Variants in GLRA1 observed in about 807,000 individuals in gnomAD.
GLRA1 encodes the protein glycine receptor alpha 1, also known as glycine receptor subunit alpha-1.
A neutral mutation model predicts 48.3 loss-of-function variants in GLRA1; 37 were observed. That is an observed-to-expected ratio of 0.77 (90% confidence interval 0.59 to 1.01). The LOEUF (loss-of-function observed/expected upper bound fraction) is 1.01, where lower values mean the gene tolerates loss of function less well. Among genes scored for constraint, GLRA1 ranks in the 50% least tolerant of loss-of-function variants. The pLI is 0.00. For synonymous variants in GLRA1, 196 were observed against 210.7 expected (o/e 0.93, Z 0.60); for missense variants, 427 against 571.0 (o/e 0.75, Z 2.57).
At chr5:151,826,684 T>C (rs1228280585) in intron 8 of GLRA1, among the ~76,000 whole-genome samples, 3 of 152,198 alleles carry the variant, frequency 2.0e-5, no homozygotes, top group Non-Finnish European at 4.4e-5. Flanking sequence ...ATTCACACTT[T>C]ATCTGGCCAG....
intron 1 of GLRA1, among the ~76,000 whole-genome samples, chr5:151,898,213 C>CTT (rs75340537): frequency 6.8e-6 from 1 of 146,000 alleles, no homozygotes; most frequent in Non-Finnish European, 1.5e-5. Flanking sequence ...AATATTCCTT[C>CTT]TTTTTTTTTT....
chr5:151,860,952 C>T (rs1381910471), intron 3 of GLRA1, among the ~76,000 whole-genome samples: 1 of 152,160 alleles, frequency 6.6e-6, no homozygotes, highest in Non-Finnish European at 1.5e-5. Flanking sequence ...GTTCAGTTCC[C>T]ACCTATGAGT....
At chr5:151,893,283 A>ACTTACTTTCTTT (rs1215858291) in intron 1 of GLRA1, among the ~76,000 whole-genome samples, 2 of 76,118 alleles carry the variant, frequency 2.6e-5, no homozygotes, top group African/African-American at 4.9e-5. Flanking sequence ...CCTCTGCCCA[A>ACTTACTTTCTTT]CTTTCTTTCT....
intron 7 of GLRA1, among the ~76,000 whole-genome samples, chr5:151,848,580 T>TAG (rs1752741248): frequency 6.6e-6 from 1 of 152,196 alleles, no homozygotes; most frequent in Non-Finnish European, 1.5e-5. Context: ...AGCACACACG[T>TAG]GTCTGCATTG....
intron 3 of GLRA1, among the ~76,000 whole-genome samples, chr5:151,884,408 A>G (rs1753843615): frequency 1.1e-5 from 1 of 87,172 alleles, no homozygotes; most frequent in African/African-American, 4.3e-5. Flanking sequence ...CAGCCTGGGC[A>G]ACAGGGTGAA....
rs76210805 is a variant in GLRA1 at position 151,897,125 on chromosome 5, A to G, written c.57-4687T>C. 8.3e-3 allele frequency among the ~76,000 whole-genome samples: 1,265 copies of G among 152,302 alleles called. 20 individuals carry two copies. Among genetic ancestry groups the G allele is most frequent in the African/African-American group, 0.029 (1,194 of 41,566 alleles). ...GGCCAAAAGTTCCCAACTCTTTTCCAAATACAAAGGCTCCATATTAATGCC... is the reference window on the plus strand; with the variant it reads ...GGCCAAAAGTTCCCAACTCTTTTCCGAATACAAAGGCTCCATATTAATGCC... On this transcript the variant is annotated intron_variant, in intron 1 of 8. Coordinates refer to ENST00000274576, the MANE Select transcript of GLRA1 (RefSeq NM_000171.4).
chr5:151,858,151 T>C (rs1753097253), intron 4 of GLRA1, among the ~76,000 whole-genome samples: 1 of 152,140 alleles, frequency 6.6e-6, no homozygotes, highest in Non-Finnish European at 1.5e-5. Context: ...ACACAGCCCT[T>C]TGTGAACTTC....
At chr5:151,904,075 A>G (rs1754421567) in intron 1 of GLRA1, among the ~76,000 whole-genome samples, 1 of 152,232 alleles carries the variant, frequency 6.6e-6, no homozygotes, top group South Asian at 2.1e-4. Flanking sequence ...AGGAGAATTC[A>G]GGAAAAGTAT....
intron 7 of GLRA1, among the ~76,000 whole-genome samples, chr5:151,831,243 T>C (rs1763414973): frequency 6.6e-6 from 1 of 152,200 alleles, no homozygotes; most frequent in South Asian, 2.1e-4. Context: ...GACACCGAGC[T>C]AGCTGCAGTT....
intron 3 of GLRA1, among the ~76,000 whole-genome samples, chr5:151,879,819 A>C (rs1381416629): frequency 2.0e-5 from 3 of 152,162 alleles, no homozygotes; most frequent in Non-Finnish European, 2.9e-5. Context: ...GAGATTTGGG[A>C]GGGGCCAGGA....
At chr5:151,913,500 G>A (rs894368210) in intron 1 of GLRA1, among the ~76,000 whole-genome samples, 40 of 152,162 alleles carry the variant, frequency 2.6e-4, no homozygotes, top group African/African-American at 9.4e-4. Context: ...AGCAGTGGGG[G>A]CTGTGTGCGG....
At chr5:151,845,184 C>T (rs1752640587) in intron 7 of GLRA1, among the ~76,000 whole-genome samples, 1 of 152,054 alleles carries the variant, frequency 6.6e-6, no homozygotes, top group Admixed American at 6.5e-5. Flanking sequence ...ATGAGGAATC[C>T]ACTCCTATGA....
chr5:151,876,930 G>T (rs979907742), intron 3 of GLRA1, among the ~76,000 whole-genome samples: 9 of 152,010 alleles, frequency 5.9e-5, no homozygotes, highest in Non-Finnish European at 1.3e-4. Flanking sequence ...AGAGGTGCCA[G>T]ATCTCTCTCT....
intron 3 of GLRA1, among the ~76,000 whole-genome samples, chr5:151,863,035 G>C (rs1293143675): frequency 1.3e-5 from 2 of 152,202 alleles, no homozygotes; most frequent in East Asian, 3.9e-4. Context: ...TATTCACAAC[G>C]TGAGGAGCTA....
intron 1 of GLRA1, among the ~76,000 whole-genome samples, chr5:151,902,246 T>C (rs991391675): frequency 6.6e-6 from 1 of 151,990 alleles, no homozygotes; most frequent in Non-Finnish European, 1.5e-5. Context: ...TGAGGCTCGA[T>C]TGAAAGGTAG....
intron 7 of GLRA1, among the ~76,000 whole-genome samples, chr5:151,833,693 C>T (rs1763486665): frequency 6.6e-6 from 1 of 150,742 alleles, no homozygotes; most frequent in South Asian, 2.1e-4. Flanking sequence ...GAACTCCTGA[C>T]CTCAGGCTAT....
rs551600201 is a variant in GLRA1 at position 151,896,062 on chromosome 5, T to C, written c.57-3624A>G. Among the ~76,000 whole-genome samples the C allele has an allele frequency of 4.6e-5, 7 of 152,324 alleles. No individual in the cohort carries two copies. In the South Asian group the frequency reaches 1.0e-3, roughly 23 times the overall value. On this transcript the variant is annotated intron_variant, in intron 1 of 8. Transcript: ENST00000274576. ...GCCTCTCTCATAAGCCTGAATCCTATTGGGCAGTACAGTGGGAGAATGAAT... is the reference window on the plus strand; with the variant it reads ...GCCTCTCTCATAAGCCTGAATCCTACTGGGCAGTACAGTGGGAGAATGAAT...
intron 4 of GLRA1, among the ~76,000 whole-genome samples, chr5:151,858,597 C>T (rs999028516): frequency 2.0e-5 from 3 of 152,094 alleles, no homozygotes; most frequent in South Asian, 2.1e-4. Flanking sequence ...GGCTCCTGAG[C>T]GAGGAAGGCC....
intron 4 of GLRA1, among the ~76,000 whole-genome samples, chr5:151,858,169 C>T (rs1359646388): frequency 1.3e-5 from 2 of 152,150 alleles, no homozygotes; most frequent in East Asian, 1.9e-4. Flanking sequence ...TTCCTTCCTC[C>T]AGCTCACACC....
Sources: allele counts gnomAD v4.1 joint callset (sites outside exome capture counted in the v4.1 genomes callset), GRCh38; gene constraint gnomAD v4.1.1; transcripts MANE v1.5; gene names NCBI Gene and HGNC (gene_info 2026-07-23, HGNC 2026-07-21).